The following SEMA6A variants were observed in gnomAD, a reference collection of about 807,000 sequenced individuals.
SEMA6A encodes the protein semaphorin-6A.
In SEMA6A, 25 loss-of-function variants were observed where a neutral mutation model predicts 96.8. The ratio of observed to expected loss-of-function variants is 0.26; its 90% CI spans 0.19 to 0.36. SEMA6A has a LOEUF of 0.36. SEMA6A is among the 10% of genes least tolerant of loss of function. SEMA6A has a pLI of 1.00. For synonymous variants in SEMA6A, 612 were observed against 518.0 expected, an observed-to-expected ratio of 1.18 and a Z score of -2.46; for missense variants, 1,363 against 1,323.1, an observed-to-expected ratio of 1.03 and a Z score of -0.47.
At chr5:116,453,824 T>C (rs1754806146) in intron 18 of SEMA6A, among the ~76,000 whole-genome samples, 1 of 152,206 alleles carries the variant, frequency 6.6e-6, no homozygotes, top group Non-Finnish European at 1.5e-5. Context: ...AGTATACTAA[T>C]GCCCTGCACC....
At chr5:116,475,827 A>G (rs1756418234) in intron 15 of SEMA6A, among the ~76,000 whole-genome samples, 1 of 152,206 alleles carries the variant, frequency 6.6e-6, no homozygotes, top group Non-Finnish European at 1.5e-5. Context: ...GAATTCAGAT[A>G]TTATTCAGGG....
intron 1 of SEMA6A, among the ~76,000 whole-genome samples, chr5:116,543,750 A>G (rs745839861): frequency 2.6e-5 from 4 of 152,196 alleles, no homozygotes; most frequent in Non-Finnish European, 5.9e-5. Context: ...GAAAAAGAAA[A>G]GTAAATGGGA....
chr5:116,564,456 G>A (rs1233552493), intron 1 of SEMA6A, among the ~76,000 whole-genome samples: 1 of 152,162 alleles, frequency 6.6e-6, no homozygotes, highest in Non-Finnish European at 1.5e-5. Context: ...AGACTGGTAG[G>A]AGTCCTTGAA....
intron 18 of SEMA6A, among the ~76,000 whole-genome samples, chr5:116,458,430 T>C (rs916313994): frequency 1.3e-5 from 2 of 151,808 alleles, no homozygotes; most frequent in Non-Finnish European, 2.9e-5. Flanking sequence ...GGGAAAAGGG[T>C]GGGGGTAAAG....
chr5:116,472,944 A>G, intron 17 of SEMA6A, 129 bp downstream of exon 17: 1 of 1,528,540 alleles, frequency 6.5e-7, no homozygotes, highest in Non-Finnish European at 8.8e-7. Context: ...GTCTATAAAA[A>G]AATGATGAGG....
At chr5:116,557,440 G>A (rs943557324) in intron 1 of SEMA6A, among the ~76,000 whole-genome samples, 2 of 152,140 alleles carry the variant, frequency 1.3e-5, no homozygotes, top group Non-Finnish European at 1.5e-5. Context: ...TCAAACTCCC[G>A]GCCTCAAGCC....
At chr5:116,494,824 C>T (rs939132716) in intron 6 of SEMA6A, among the ~76,000 whole-genome samples, 36 of 152,206 alleles carry the variant, frequency 2.4e-4, no homozygotes, top group Non-Finnish European at 4.4e-5. Context: ...CCAGGCCTGG[C>T]GAGGTCCCTG....
At position 116,467,716 on chromosome 5, in the gene SEMA6A, G is replaced by C; in HGVS notation, c.1761C>G (p.Thr587=). Residue 587 remains threonine (T), a synonymous_variant, in exon 18 of 19, where the codon ACC becomes ACG. Coordinates refer to ENST00000343348, the MANE Select transcript of SEMA6A (RefSeq NM_020796.5). ...CCTCTTGAGCCGTCGAATCTGATGTGGTTGTGCTGGGCAAGAGGGAACTGG... is the reference window on the plus strand; with the variant it reads ...CCTCTTGAGCCGTCGAATCTGATGTCGTTGTGCTGGGCAAGAGGGAACTGG... ...GHSSSLLPST[T]TSDSTAQEGY... 6.2e-7 allele frequency: 1 copy of C among 1,613,814 alleles called. No homozygotes were observed. The highest frequency in any genetic ancestry group is 8.5e-7 in the Non-Finnish European group (1 of 1,179,828).
At chr5:116,516,399 C>T (rs867612983) in intron 1 of SEMA6A, among the ~76,000 whole-genome samples, 29 of 151,860 alleles carry the variant, frequency 1.9e-4, no homozygotes, top group Middle Eastern at 3.4e-3. Flanking sequence ...TTCGTTTATC[C>T]GAAAAAAGCC....
intron 10 of SEMA6A, among the ~76,000 whole-genome samples, chr5:116,484,986 G>T (rs1002712524): frequency 6.6e-6 from 1 of 152,150 alleles, no homozygotes; most frequent in Non-Finnish European, 1.5e-5. Flanking sequence ...AGGGCAAATG[G>T]ATTTGAAACA....
At chr5:116,574,089 CA>C (rs1039724570) in intron 1 of SEMA6A, 95 bp downstream of exon 1, 46 of 152,514 alleles carry the variant, frequency 3.0e-4, no homozygotes, top group African/African-American at 1.1e-3. Flanking sequence ...GCAGGCACCA[CA>C]AAGCCGACAG....
intron 8 of SEMA6A, among the ~76,000 whole-genome samples, 158 bp from the exon 9 acceptor site, chr5:116,488,354 T>C (rs1757166134): frequency 6.6e-6 from 1 of 152,264 alleles, no homozygotes; most frequent in Non-Finnish European, 1.5e-5. Flanking sequence ...ATGCAAGTGC[T>C]GGTGATTTCA....
intron 1 of SEMA6A, among the ~76,000 whole-genome samples, chr5:116,524,616 A>G (rs1387550245): frequency 2.6e-5 from 4 of 152,106 alleles, no homozygotes; most frequent in African/African-American, 7.2e-5. Flanking sequence ...AAAAAAAAAA[A>G]TCATGAACAG....
At chr5:116,562,175 A>C (rs1465987510) in intron 1 of SEMA6A, among the ~76,000 whole-genome samples, 3 of 152,236 alleles carry the variant, frequency 2.0e-5, no homozygotes, top group African/African-American at 7.2e-5. Context: ...CTACCCTGGA[A>C]CACAGTACAT....
At chr5:116,546,481 C>G (rs531018397) in intron 1 of SEMA6A, among the ~76,000 whole-genome samples, 56 of 152,322 alleles carry the variant, frequency 3.7e-4, no homozygotes, top group Middle Eastern at 6.8e-3. Flanking sequence ...CAGTGTCTCT[C>G]AAATATGAAT....
At chr5:116,503,835 G>A (rs971210273) in intron 2 of SEMA6A, among the ~76,000 whole-genome samples, 4 of 152,128 alleles carry the variant, frequency 2.6e-5, no homozygotes, top group Non-Finnish European at 4.4e-5. Flanking sequence ...TTCTATACTC[G>A]GGCATCCAAG....
At position 116,446,463 on chromosome 5, in the gene SEMA6A, C is replaced by T. The variant is rs1328802756; in HGVS notation, c.*150G>A. 8 of 638,858 alleles carry T rather than the reference C, an allele frequency of 1.3e-5. No individual in the cohort carries two copies. In the East Asian group the frequency reaches 2.4e-4, roughly 19 times the overall value. The allele number at this position is 638,858 out of a possible 1,614,324, so 39.6% of individuals were successfully genotyped here. A position where few individuals can be genotyped will look rare whatever the true frequency, so the allele number is the denominator to read the frequency against. On this transcript the variant is annotated 3_prime_UTR_variant, in exon 19 of 19. Coordinates refer to ENST00000343348, the MANE Select transcript of SEMA6A (RefSeq NM_020796.5). Reference sequence around the variant, plus strand: ...CGCGGCCCAGTTTTCGTGAGTACCCCTGTGTCCCAGAGAGGAGGACCCAGC... The same window carrying T: ...CGCGGCCCAGTTTTCGTGAGTACCCTTGTGTCCCAGAGAGGAGGACCCAGC...
intron 11 of SEMA6A, among the ~76,000 whole-genome samples, chr5:116,480,532 CACAA>C (rs1316711180): frequency 6.6e-6 from 1 of 152,142 alleles, no homozygotes; most frequent in Admixed American, 6.5e-5. Flanking sequence ...CTCCCAGAAG[CACAA>C]ACAAACCTCA....
rs537280531 is a variant in SEMA6A, at chr5:116,539,615, G to A, written c.-39+34570C>T. On this transcript the variant is annotated intron_variant, in intron 1 of 18. Transcript: ENST00000343348. Reference sequence around the variant, plus strand: ...CGTGTGTGTGTGTGTGTGTGTGTGTGTGTACTTTCTTTAATTTTACTCCTG... The same window carrying A: ...CGTGTGTGTGTGTGTGTGTGTGTGTATGTACTTTCTTTAATTTTACTCCTG... 5.9e-5 allele frequency among the ~76,000 whole-genome samples: 9 copies of A among 151,776 alleles called. No individual in the cohort carries two copies. In the South Asian group the frequency reaches 1.7e-3, roughly 28 times the overall value.
Sources: gnomAD v4.1 joint callset for allele counts (sites outside exome capture counted in the v4.1 genomes callset) on GRCh38, gnomAD v4.1.1 for gene constraint, MANE v1.5 for transcripts, NCBI Gene and HGNC (gene_info 2026-07-23, HGNC 2026-07-21) for gene names.